Variants in TMEM132C observed in about 807,000 individuals in gnomAD.
TMEM132C encodes the protein protein phosphatase 1, regulatory subunit 152.
A neutral mutation model predicts 61.4 loss-of-function variants in TMEM132C; 29 were observed. The observed-to-expected ratio is 0.47, with a 90% confidence interval of 0.35 to 0.64. The LOEUF is 0.64. Among genes scored for constraint, TMEM132C ranks in the 30% least tolerant of loss-of-function variants. The pLI, the probability that TMEM132C is intolerant of heterozygous loss-of-function variation, is 0.00. For missense variants in TMEM132C, 1,408 were observed against 1,476.9 expected (o/e 0.95, Z 0.76); for synonymous variants, 656 against 633.1 (o/e 1.04, Z -0.54).
At chr12:128,687,227 G>A (rs1954684539) in intron 5 of TMEM132C, among the ~76,000 whole-genome samples, 1 of 143,568 alleles carries the variant, frequency 7.0e-6, no homozygotes, top group Non-Finnish European at 1.5e-5. Context: ...AAGAGGAAAT[G>A]TCAGAGAAAG....
intron 1 of TMEM132C, among the ~76,000 whole-genome samples, chr12:128,388,126 C>T (rs1874645023): frequency 6.6e-6 from 1 of 152,226 alleles, no homozygotes; most frequent in Admixed American, 6.5e-5. Context: ...GCGTCTGGGC[C>T]AGTGGCTTCC....
intron 1 of TMEM132C, among the ~76,000 whole-genome samples, chr12:128,302,802 C>T (rs186097023): frequency 1.4e-3 from 220 of 152,320 alleles, no homozygotes; most frequent in Non-Finnish European, 2.5e-3. Context: ...TGAAGATCCA[C>T]GGGCTGAATG....
intron 2 of TMEM132C, among the ~76,000 whole-genome samples, chr12:128,462,965 C>T (rs1870593294): frequency 6.6e-6 from 1 of 152,194 alleles, no homozygotes; most frequent in African/African-American, 2.4e-5. Flanking sequence ...AGCCCAGCCA[C>T]ATCCAGGCTT....
intron 1 of TMEM132C, among the ~76,000 whole-genome samples, chr12:128,382,945 T>G (rs909349086): frequency 6.6e-6 from 1 of 151,946 alleles, no homozygotes; most frequent in African/African-American, 2.4e-5. Context: ...TGTATGTGGG[T>G]GTGTGTGTAT....
At position 128,415,318 on chromosome 12, in the gene TMEM132C, C is replaced by T; in HGVS notation, c.672C>T (p.Thr224=). The change falls in exon 2 of 9, where the codon ACC becomes ACT. Residue 224 remains threonine, a synonymous_variant. Transcript: ENST00000435159. This position sits in a 1 kb window ranked among gnomAD's most constrained non-coding sequence, Gnocchi z 5.8. ...RKKSMDQPEG[T]PVELYYTVHP... ...AGTCCATGGACCAGCCGGAGGGGACCCCTGTGGAGCTCTACTACACCGTGC... is the reference window on the plus strand; with the variant it reads ...AGTCCATGGACCAGCCGGAGGGGACTCCTGTGGAGCTCTACTACACCGTGC... 1 of 1,590,990 alleles carries T rather than the reference C, an allele frequency of 6.3e-7. No individual in the cohort carries two copies. The highest frequency in any genetic ancestry group is 1.8e-5 in the Admixed American group (1 of 56,628).
chr12:128,407,211 T>TTA (rs1319086791), intron 1 of TMEM132C, among the ~76,000 whole-genome samples: 2 of 152,156 alleles, frequency 1.3e-5, no homozygotes, highest in Admixed American at 1.3e-4. Flanking sequence ...TCTAATGGTT[T>TTA]TATAAAGGGC....
intron 2 of TMEM132C, among the ~76,000 whole-genome samples, chr12:128,509,656 C>T (rs1178363506): frequency 1.3e-5 from 2 of 152,096 alleles, no homozygotes; most frequent in Non-Finnish European, 2.9e-5. Flanking sequence ...TGACCAGCAG[C>T]CTGAGAGTGT....
intron 3 of TMEM132C, among the ~76,000 whole-genome samples, chr12:128,614,869 G>A (rs1876747973): frequency 6.6e-6 from 1 of 152,216 alleles, no homozygotes; most frequent in South Asian, 2.1e-4. Context: ...GGCAGCCAGT[G>A]ATAACACAGA....
At chr12:128,378,887 G>T (rs1159092052) in intron 1 of TMEM132C, among the ~76,000 whole-genome samples, 3 of 152,176 alleles carry the variant, frequency 2.0e-5, no homozygotes, top group African/African-American at 7.2e-5. Context: ...CTGTTCTTGT[G>T]ATAGTGAGTT....
At chr12:128,584,300 T>G (rs1875459108) in intron 3 of TMEM132C, among the ~76,000 whole-genome samples, 1 of 152,200 alleles carries the variant, frequency 6.6e-6, no homozygotes, top group South Asian at 2.1e-4. Flanking sequence ...GTTCTATGCA[T>G]GAAAGTTGCA....
At chr12:128,477,065 C>CTAA (rs1328045292) in intron 2 of TMEM132C, among the ~76,000 whole-genome samples, 1 of 152,132 alleles carries the variant, frequency 6.6e-6, no homozygotes, top group Non-Finnish European at 1.5e-5. Flanking sequence ...TTAGCTACTG[C>CTAA]TGTGTAACAG....
At chr12:128,683,970 TTAAATAAATAAA>T (rs5741714) in intron 5 of TMEM132C, among the ~76,000 whole-genome samples, 72,882 of 147,402 alleles carry the variant, frequency 0.49, 18,073 homozygotes, top group East Asian at 0.54. Context: ...CTGTTTGAAA[TTAAATAAATAAA>T]TAAATAAATA....
At chr12:128,590,949 A>G (rs951315920) in intron 3 of TMEM132C, among the ~76,000 whole-genome samples, 5 of 152,022 alleles carry the variant, frequency 3.3e-5, no homozygotes, top group African/African-American at 1.2e-4. Flanking sequence ...GCTAGTTTTT[A>G]TAATTTTATG....
At chr12:128,383,485 T>C (rs1874480925) in intron 1 of TMEM132C, among the ~76,000 whole-genome samples, 1 of 152,188 alleles carries the variant, frequency 6.6e-6, no homozygotes, top group Admixed American at 6.5e-5. Flanking sequence ...GCTCAGGCTC[T>C]GGCATCCGAC....
intron 2 of TMEM132C, among the ~76,000 whole-genome samples, chr12:128,477,206 C>T (rs1186196413): frequency 6.6e-6 from 1 of 152,136 alleles, no homozygotes; most frequent in Non-Finnish European, 1.5e-5. Flanking sequence ...CTAAATCTTG[C>T]TGCGAATCTT....
intron 2 of TMEM132C, among the ~76,000 whole-genome samples, chr12:128,507,010 G>A (rs1872385665): frequency 1.4e-4 from 22 of 152,122 alleles, no homozygotes. Flanking sequence ...TGAAAAGGAA[G>A]CCCACAGAGA....
intron 5 of TMEM132C, among the ~76,000 whole-genome samples, chr12:128,685,901 G>C (rs1396385628): frequency 6.6e-6 from 1 of 152,212 alleles, no homozygotes; most frequent in Non-Finnish European, 1.5e-5. Context: ...TGGACTCAGA[G>C]AGATGACCCA....
At chr12:128,674,137 G>T (rs552095843) in intron 5 of TMEM132C, among the ~76,000 whole-genome samples, 2 of 152,310 alleles carry the variant, frequency 1.3e-5, no homozygotes, top group East Asian at 3.9e-4. Context: ...CCTGGCCCCT[G>T]GCAGTCACTA....
chr12:128,410,789 A>C (rs182953399), intron 1 of TMEM132C, among the ~76,000 whole-genome samples: 1 of 152,284 alleles, frequency 6.6e-6, no homozygotes, highest in East Asian at 1.9e-4. Flanking sequence ...ATTGATACAA[A>C]ATTATTAGCT....
Sources: gnomAD v4.1 joint callset for allele counts (sites outside exome capture counted in the v4.1 genomes callset) on GRCh38, gnomAD v4.1.1 for gene constraint, Gnocchi (gnomAD v3.1) non-coding constraint, MANE v1.5 for transcripts, NCBI Gene and HGNC (gene_info 2026-07-23, HGNC 2026-07-21) for gene names.